LETM1: variants seen among roughly 807,000 people sequenced by gnomAD.
LETM1 encodes the protein mitochondrial proton/calcium exchanger protein.
Under a neutral mutation model 74.5 loss-of-function variants are expected in LETM1, and 50 were observed. That is an observed-to-expected ratio of 0.67 (90% confidence interval 0.53 to 0.85). The LOEUF (loss-of-function observed/expected upper bound fraction) is 0.85, where lower values mean the gene tolerates loss of function less well. LETM1 is among the 40% of genes least tolerant of loss of function. The pLI is 0.00. For synonymous variants in LETM1, 446 were observed against 407.1 expected, an observed-to-expected ratio of 1.10 and a Z score of -1.15; for missense variants, 824 against 967.8, an observed-to-expected ratio of 0.85 and a Z score of 1.97.
rs1184516851 is a variant in LETM1, at chr4:1,822,815, G to A, written c.1476+173C>T. The A allele has an allele frequency of 2.3e-5, 12 of 516,478 alleles. 1 individual carries two copies. Among genetic ancestry groups the A allele is most frequent in the Non-Finnish European group, 3.3e-5 (11 of 334,304 alleles). 32.0% of individuals were successfully genotyped at this position (516,478 alleles called of 1,614,324 possible). A position where few individuals can be genotyped will look rare whatever the true frequency, so the allele number is the denominator to read the frequency against. ...ATCGGGGAGTCCCCATGTCAGAGTT[G>A]CAGCCCTCACACCCGGGCACCCTGC... On this transcript the variant is annotated intron_variant, in intron 9 of 13. Transcript: ENST00000302787.
chr4:1,833,605 C>T (rs1205801283), intron 5 of LETM1: 3 of 157,194 alleles, frequency 1.9e-5, no homozygotes, highest in South Asian at 3.8e-4. Context: ...CCATCTAGCT[C>T]TTTAGGGAGA....
intron 11 of LETM1, among the ~76,000 whole-genome samples, chr4:1,818,299 C>A (rs1711641705): frequency 6.6e-6 from 1 of 152,118 alleles, no homozygotes; most frequent in African/African-American, 2.4e-5. Flanking sequence ...CCCAACAGAG[C>A]TATGAAAACA....
chr4:1,833,291 A>G, intron 5 of LETM1: 1 of 303,358 alleles, frequency 3.3e-6, no homozygotes, highest in South Asian at 3.3e-5. Flanking sequence ...GCTGGTCTCA[A>G]ATACCCGACC....
chr4:1,841,468 A>T lies in LETM1; in HGVS notation c.473T>A (p.Leu158Gln), dbSNP rs1712689033. The T allele has an allele frequency of 6.2e-7, 1 of 1,614,128 alleles. No homozygotes were observed. Among genetic ancestry groups the T allele is most frequent in the African/African-American group, 1.3e-5 (1 of 74,942 alleles). ...ATGGTAGTAGTGCTTCAGCTCGTCC[A>T]GCACCCGCTGCCCCAGGGACTTCTT... ...VVKKSLGQRVLDELKHYYHGF... is the reference protein window; with the variant it reads ...VVKKSLGQRVQDELKHYYHGF... Residue 158 changes from leucine (L) to glutamine (Q), a missense_variant, in exon 3 of 14, where the codon CTG becomes CAG. This residue lies in a region of LETM1 where 269 missense variants were observed against 348.8 expected (regional missense o/e 0.77). Coordinates refer to ENST00000302787, the MANE Select transcript of LETM1 (RefSeq NM_012318.3).
chr4:1,856,153 G>A lies in LETM1; in HGVS notation c.-203C>T. Reference sequence around the variant, plus strand: ...CCCGGCACAGACGTCCGGAGGCGCGGGGCGGGGCGGCCAGGCCGCGGCTCC... The same window carrying A: ...CCCGGCACAGACGTCCGGAGGCGCGAGGCGGGGCGGCCAGGCCGCGGCTCC... On this transcript the variant is annotated 5_prime_UTR_variant, in exon 1 of 14. Coordinates refer to ENST00000302787, the MANE Select transcript of LETM1 (RefSeq NM_012318.3). 1 of 322,416 alleles carries A rather than the reference G, an allele frequency of 3.1e-6. No homozygotes were observed. Among genetic ancestry groups the A allele is most frequent in the Admixed American group, 5.0e-5 (1 of 20,018 alleles). The allele number at this position is 322,416 out of a possible 1,614,324, so 20.0% of individuals were successfully genotyped here. A position where few individuals can be genotyped will look rare whatever the true frequency, so the allele number is the denominator to read the frequency against.
In LETM1 at chr4:1,825,555, T is replaced by A; in HGVS notation, c.1200+9A>T. ...GTGCCGGCCTGGCACCAGGCCAATA[T>A]TCACGCACCTGCTTCAGCTGACCCC... is the stretch of plus-strand genomic sequence containing the variant. On this transcript the variant is annotated intron_variant, in intron 7 of 13. Transcript: ENST00000302787. 6.2e-7 allele frequency: 1 copy of A among 1,606,354 alleles called. No homozygotes were observed. The highest frequency in any genetic ancestry group is 1.1e-5 in the South Asian group (1 of 90,900).
rs140729898 is a variant in LETM1, at chr4:1,832,939, T to C, written c.885A>G (p.Glu295=). Residue 295 remains glutamate, a synonymous_variant, in exon 6 of 14, where the codon GAA becomes GAG. Coordinates refer to ENST00000302787, the MANE Select transcript of LETM1 (RefSeq NM_012318.3). ...CCTCATTGCTGGGCCTCTCCCCTGT[T>C]TCCCGGATCTGCGGAAGTGGTCACA... ...DFSVFFQKIR[E]TGERPSNEEI... The C allele has an allele frequency of 0.032, 51,362 of 1,611,986 alleles. 996 individuals are homozygous for C. Among genetic ancestry groups the C allele is most frequent in the Non-Finnish European group, 0.039 (45,785 of 1,179,754 alleles).
At chr4:1,841,240 G>A in intron 3 of LETM1, 107 bp downstream of exon 3, 1 of 978,038 alleles carries the variant, frequency 1.0e-6, no homozygotes, top group Non-Finnish European at 1.5e-6. Flanking sequence ...AGATACTCGG[G>A]AGGCTGAGGC....
At chr4:1,814,741 C>G (rs2108833148) in intron 13 of LETM1, among the ~76,000 whole-genome samples, 168 bp from the exon 14 acceptor site, 1 of 152,344 alleles carries the variant, frequency 6.6e-6, no homozygotes. Context: ...CCAAGGGGTG[C>G]CACAGACCCT....
chr4:1,854,340 C>A lies in LETM1; in HGVS notation c.82+1529G>T, dbSNP rs185802675. Reference sequence around the variant, plus strand: ...ACTAAAAATACAAAAATTAGCCAGGCATGAGGGTGTGCGCCTGTAATCCCA... The same window carrying A: ...ACTAAAAATACAAAAATTAGCCAGGAATGAGGGTGTGCGCCTGTAATCCCA... On this transcript the variant is annotated intron_variant, in intron 1 of 13. Transcript: ENST00000302787. Among the ~76,000 whole-genome samples the A allele has an allele frequency of 9.3e-4, 141 of 151,818 alleles. No homozygotes were observed. The Middle Eastern group carries it at 0.017, about 18-fold the overall frequency.
chr4:1,846,689 T>C (rs1049002739), intron 2 of LETM1: 1 of 152,210 alleles, frequency 6.6e-6, no homozygotes, highest in Non-Finnish European at 1.5e-5. Flanking sequence ...TAACATCATA[T>C]GTCACAAACA....
At position 1,825,632 on chromosome 4, in the gene LETM1, C is replaced by T; in HGVS notation, c.1132G>A (p.Ala378Thr). 1 of 1,614,074 alleles carries T rather than the reference C, an allele frequency of 6.2e-7. No homozygotes were observed. Among genetic ancestry groups the T allele is most frequent in the Non-Finnish European group, 8.5e-7 (1 of 1,179,974 alleles). Reference sequence around the variant, plus strand: ...GCCCGCATGCCTCGTGCCCGACACGCTGCCTGCAGCTCCTTGACATTCAGG... The same window carrying T: ...GCCCGCATGCCTCGTGCCCGACACGTTGCCTGCAGCTCCTTGACATTCAGG... ...DSLNVKELQAACRARGMRALG... is the reference protein window; with the variant it reads ...DSLNVKELQATCRARGMRALG... The change falls in exon 7 of 14, where the codon GCG (alanine) becomes ACG (threonine). Residue 378 changes from alanine (A) to threonine (T), a missense_variant. Physicochemically the swap from Ala to Thr is moderately conservative, Grantham distance 58. Around this residue, in one of 4 missense-constraint regions of LETM1, gnomAD observed 269 missense variants for 348.8 expected, o/e 0.77. Transcript: ENST00000302787.
At chr4:1,829,797 C>A (rs915709058) in intron 6 of LETM1, among the ~76,000 whole-genome samples, 2 of 152,112 alleles carry the variant, frequency 1.3e-5, no homozygotes, top group South Asian at 2.1e-4. Flanking sequence ...TGCACTCCAG[C>A]CTGGGCAACA....
In LETM1 at chr4:1,816,930, T is replaced by C. The variant is rs761843561; in HGVS notation, c.1744-16A>G. 6.2e-6 allele frequency: 10 copies of C among 1,605,004 alleles called. No homozygotes were observed. In the South Asian group the frequency reaches 8.8e-5, roughly 14 times the overall value. On this transcript the variant is annotated splice_polypyrimidine_tract_variant and intron_variant, in intron 11 of 13. Transcript: ENST00000302787. ...CCTGCAAGTCCTAATAAAATTATTT[T>C]GGTTGTAAAAAGTTTGTCTTAAAAG...
intron 1 of LETM1, among the ~76,000 whole-genome samples, chr4:1,854,532 G>A (rs544552198): frequency 2.0e-5 from 3 of 151,182 alleles, no homozygotes; most frequent in East Asian, 1.9e-4. Flanking sequence ...GGTGGCTCAC[G>A]CCTGTAATCC....
chr4:1,839,590 G>A (rs1712614328), intron 3 of LETM1, among the ~76,000 whole-genome samples: 1 of 152,244 alleles, frequency 6.6e-6, no homozygotes, highest in African/African-American at 2.4e-5. Flanking sequence ...ATTGGTTCCT[G>A]GCTCTACTGC....
intron 6 of LETM1, among the ~76,000 whole-genome samples, chr4:1,831,521 G>A (rs1712268009): frequency 6.6e-6 from 1 of 152,250 alleles, no homozygotes; most frequent in Non-Finnish European, 1.5e-5. Flanking sequence ...GGGCCCCCAA[G>A]GCCACCCCAG....
At chr4:1,833,120 G>A (rs1216167496) in intron 5 of LETM1, 173 bp from the exon 6 acceptor site, 2 of 609,066 alleles carry the variant, frequency 3.3e-6, no homozygotes, top group South Asian at 2.0e-5. Context: ...TACCCAGGCT[G>A]GAATGCAGTG....
At chr4:1,855,515 G>T (rs936368980) in intron 1 of LETM1, among the ~76,000 whole-genome samples, 48 of 152,242 alleles carry the variant, frequency 3.2e-4, no homozygotes, top group African/African-American at 1.1e-3. Context: ...GACCCCAAAC[G>T]TGACCAAAGG....
Sources: gnomAD v4.1 joint callset for allele counts (sites outside exome capture counted in the v4.1 genomes callset) on GRCh38, gnomAD v4.1.1 for gene constraint, gnomAD v4.1.1 regional missense constraint, MANE v1.5 for transcripts, NCBI Gene and HGNC (gene_info 2026-07-23, HGNC 2026-07-21) for gene names.